Variants in SPHKAP observed in about 807,000 individuals in gnomAD.
The protein encoded by SPHKAP is A-kinase anchor protein SPHKAP.
Under a neutral mutation model 137.5 loss-of-function variants are expected in SPHKAP, and 67 were observed. The observed-to-expected ratio is 0.49, with a 90% CI of 0.40 to 0.60. The LOEUF is 0.60. Among genes scored for constraint, SPHKAP ranks in the 20% least tolerant of loss-of-function variants. The probability of loss-of-function intolerance (pLI) is 0.00; values close to 1 mark genes in which losing one functional copy is unlikely to be tolerated. For synonymous variants in SPHKAP, 813 were observed against 785.3 expected (o/e 1.04, Z -0.59); for missense variants, 2,097 against 2,069.3 (o/e 1.01, Z -0.26).
chr2:228,180,597 C>G (rs1390434902), intron 1 of SPHKAP, among the ~76,000 whole-genome samples: 4 of 152,132 alleles, frequency 2.6e-5, no homozygotes, highest in Non-Finnish European at 5.9e-5. Context: ...AAGCCGCTGC[C>G]CAGGAGAGGT....
chr2:228,129,668 A>G (rs997113444), intron 2 of SPHKAP, among the ~76,000 whole-genome samples: 1 of 151,994 alleles, frequency 6.6e-6, no homozygotes, highest in African/African-American at 2.4e-5. Flanking sequence ...AAAATTTTAC[A>G]TTCTTATTTG....
chr2:227,984,537 T>A (rs900019053), intron 11 of SPHKAP, among the ~76,000 whole-genome samples: 5 of 152,170 alleles, frequency 3.3e-5, no homozygotes, highest in African/African-American at 1.2e-4. Flanking sequence ...TTGTGAGCTG[T>A]TACTTATATC....
intron 2 of SPHKAP, among the ~76,000 whole-genome samples, chr2:228,121,472 C>T (rs1212418057): frequency 4.6e-5 from 7 of 152,094 alleles, no homozygotes; most frequent in East Asian, 3.9e-4. Flanking sequence ...GCCATGATCA[C>T]GCTACTGCAT....
At chr2:227,990,451 G>A (rs558706000) in intron 11 of SPHKAP, among the ~76,000 whole-genome samples, 248 of 152,286 alleles carry the variant, frequency 1.6e-3, no homozygotes, top group African/African-American at 5.5e-3. Context: ...TTAATGGTAG[G>A]TCTTAGAGAT....
At position 228,181,230 on chromosome 2, in the gene SPHKAP, C is replaced by T. The variant is rs1470621023; in HGVS notation, c.32+337G>A. The stretch of plus-strand genomic sequence containing the variant: ...TCTCTCCACAAGGTGTGAAACCTCT[C>T]CAAGCTGTGTCCGCGGAAAGTCCGG... On this transcript the variant is annotated intron_variant, in intron 1 of 11. Coordinates refer to ENST00000392056, the MANE Select transcript of SPHKAP (RefSeq NM_001142644.2). This position sits in a 1 kb window ranked among gnomAD's most constrained non-coding sequence, Gnocchi z 4.3. Among the ~76,000 whole-genome samples, 1 of 152,152 alleles carries T rather than the reference C, an allele frequency of 6.6e-6. No individual in the cohort carries two copies. Among genetic ancestry groups the T allele is most frequent in the Non-Finnish European group, 1.5e-5 (1 of 68,022 alleles).
At chr2:228,004,371 G>C (rs1345478636) in intron 7 of SPHKAP, among the ~76,000 whole-genome samples, 1 of 152,212 alleles carries the variant, frequency 6.6e-6, no homozygotes. Context: ...AGTATTCTCT[G>C]ATGGTAGTTT....
At chr2:228,037,899 G>T (rs975361034) in intron 3 of SPHKAP, among the ~76,000 whole-genome samples, 27 of 152,274 alleles carry the variant, frequency 1.8e-4, no homozygotes, top group Admixed American at 1.1e-3. Flanking sequence ...TGACTGGATT[G>T]CTCTTAGCAA....
Position 227,995,644 on chromosome 2 carries a change from G to T in SPHKAP, c.4499C>A (p.Ala1500Asp). ...DVPEAEASTE[A>D]RAPDEAPNPP... ...GTTGGGGGCCTCATCGGGGGCTCTGGCTTCTGTGGAGGCTTCAGCCTCTGG... is the reference window on the plus strand; with the variant it reads ...GTTGGGGGCCTCATCGGGGGCTCTGTCTTCTGTGGAGGCTTCAGCCTCTGG... The change falls in exon 8 of 12, where the codon GCC becomes GAC. Residue 1500 changes from alanine to aspartate, a missense_variant. By Grantham distance (126) the Ala-to-Asp change is moderately radical (BLOSUM62 -2). Coordinates refer to ENST00000392056, the MANE Select transcript of SPHKAP (RefSeq NM_001142644.2). 2 of 1,613,172 alleles carry T rather than the reference G, an allele frequency of 1.2e-6. No individual in the cohort carries two copies. Among genetic ancestry groups the T allele is most frequent in the Non-Finnish European group, 1.7e-6 (2 of 1,179,786 alleles).
chr2:228,163,884 G>A (rs752827560), intron 1 of SPHKAP, among the ~76,000 whole-genome samples: 1 of 152,132 alleles, frequency 6.6e-6, no homozygotes, highest in Non-Finnish European at 1.5e-5. Flanking sequence ...ATGCCCCTGT[G>A]ATGGTTAATA....
chr2:227,986,458 T>C (rs889649716), intron 11 of SPHKAP, among the ~76,000 whole-genome samples: 3 of 152,056 alleles, frequency 2.0e-5, no homozygotes, highest in Non-Finnish European at 2.9e-5. Flanking sequence ...AGACTACAAA[T>C]TGGGTTCAAT....
intron 7 of SPHKAP, among the ~76,000 whole-genome samples, chr2:228,001,597 T>A (rs1370573764): frequency 6.7e-6 from 1 of 149,448 alleles, no homozygotes; most frequent in Non-Finnish European, 1.5e-5. Context: ...TACTTTAAGT[T>A]CTAGGGTACA....
intron 1 of SPHKAP, among the ~76,000 whole-genome samples, chr2:228,137,516 A>G (rs1365747447): frequency 1.3e-5 from 2 of 152,228 alleles, no homozygotes; most frequent in Non-Finnish European, 2.9e-5. Context: ...GTGTAAAGTT[A>G]AACCATTTTA....
rs146588446 is a variant in SPHKAP at position 228,117,358 on chromosome 2, T to C, written c.139-8419A>G. 3.4e-3 allele frequency among the ~76,000 whole-genome samples: 522 copies of C among 152,110 alleles called. 2 individuals are homozygous for C. The highest frequency in any genetic ancestry group is 0.012 in the African/African-American group (487 of 41,518). On this transcript the variant is annotated intron_variant, in intron 2 of 11. Coordinates refer to ENST00000392056, the MANE Select transcript of SPHKAP (RefSeq NM_001142644.2). The stretch of plus-strand genomic sequence containing the variant: ...AGAAAAAGCTAGAGGAGCAGTAAAA[T>C]AAAGGGAGCCAGAGAAGCCCATTGG...
intron 1 of SPHKAP, among the ~76,000 whole-genome samples, chr2:228,157,815 GT>G (rs957945129): frequency 1.3e-5 from 2 of 152,140 alleles, no homozygotes; most frequent in African/African-American, 4.8e-5. Context: ...TTTTCAGACT[GT>G]TTAGGTGGCC....
At chr2:228,082,938 A>C (rs1314700607) in intron 3 of SPHKAP, among the ~76,000 whole-genome samples, 1 of 152,186 alleles carries the variant, frequency 6.6e-6, no homozygotes. Context: ...ATTCCACAGA[A>C]GTCATTTAGT....
At chr2:228,092,685 A>G in intron 3 of SPHKAP, among the ~76,000 whole-genome samples, 1 of 148,828 alleles carries the variant, frequency 6.7e-6, no homozygotes, top group Non-Finnish European at 1.5e-5. Context: ...TGCCATGTAT[A>G]TACGTGTATA....
intron 3 of SPHKAP, among the ~76,000 whole-genome samples, chr2:228,092,314 T>C (rs143276695): frequency 0.022 from 2,128 of 98,626 alleles, 59 homozygotes; most frequent in African/African-American, 0.067. Context: ...CGTGTATGTG[T>C]GTGTATACGT....
intron 8 of SPHKAP, 108 bp downstream of exon 8, chr2:227,995,401 C>A: frequency 7.7e-7 from 1 of 1,306,848 alleles, no homozygotes; most frequent in South Asian, 1.3e-5. Flanking sequence ...TTTTTTTGTT[C>A]TCTCCTTCTC....
At chr2:228,147,610 G>A (rs116217186) in intron 1 of SPHKAP, among the ~76,000 whole-genome samples, 257 of 152,230 alleles carry the variant, frequency 1.7e-3, no homozygotes, top group Middle Eastern at 3.4e-3. Flanking sequence ...TTACGAGTTC[G>A]ACCTTGGGAA....
Sources: allele counts gnomAD v4.1 joint callset (sites outside exome capture counted in the v4.1 genomes callset), GRCh38; gene constraint gnomAD v4.1.1; non-coding constraint Gnocchi (gnomAD v3.1); transcripts MANE v1.5; gene names NCBI Gene and HGNC (gene_info 2026-07-23, HGNC 2026-07-21).